The following VEZF1 variants were observed in gnomAD, a reference collection of about 807,000 sequenced individuals.
The protein encoded by VEZF1 is vascular endothelial zinc finger 1, also known as putative transcription factor DB1.
In VEZF1, 5 loss-of-function variants were observed where a neutral mutation model predicts 44.1. The ratio of observed to expected loss-of-function variants is 0.11; its 90% CI spans 0.06 to 0.24. The LOEUF (loss-of-function observed/expected upper bound fraction) is 0.24, where lower values mean the gene tolerates loss of function less well. VEZF1 is among the 10% of genes least tolerant of loss of function. The pLI is 1.00. For missense variants in VEZF1, 358 were observed against 641.8 expected (o/e 0.56, Z 4.78); for synonymous variants, 236 against 233.1 (o/e 1.01, Z -0.11).
chr17:57,982,505 A>C (rs1318325197), intron 2 of VEZF1, among the ~76,000 whole-genome samples, 194 bp downstream of exon 2: 1 of 152,146 alleles, frequency 6.6e-6, no homozygotes, highest in East Asian at 1.9e-4. Flanking sequence ...GTTAATCACT[A>C]TGTCACCACT....
rs766882992 is a variant in VEZF1 at position 57,974,583 on chromosome 17, T to C, written c.1456A>G (p.Met486Val). The change falls in exon 6 of 6, where the codon ATG (methionine) becomes GTG (valine). Residue 486 changes from methionine to valine, a missense_variant. Around this residue, in one of 4 missense-constraint regions of VEZF1, gnomAD observed 171 missense variants for 272.4 expected, o/e 0.63. Transcript: ENST00000581208. ...AATGTCATAGGTGTGGGTAGATTCA[T>C]TGGAGATGTGATGGTGACAGGGTGT... ...IAHPVTITSPMNLPTPMTLAA... is the reference protein window; with the variant it reads ...IAHPVTITSPVNLPTPMTLAA... 8.7e-6 allele frequency: 14 copies of C among 1,613,994 alleles called. No individual in the cohort carries two copies. Among genetic ancestry groups the C allele is most frequent in the Admixed American group, 3.3e-5 (2 of 59,974 alleles).
chr17:57,982,587 C>T, intron 2 of VEZF1, 112 bp downstream of exon 2: 1 of 1,038,776 alleles, frequency 9.6e-7, no homozygotes. Context: ...CCTCTAATAA[C>T]ACAGGTCTGC....
chr17:57,982,028 G>A, intron 2 of VEZF1, 92 bp from the exon 3 acceptor site: 1 of 1,397,026 alleles, frequency 7.2e-7, no homozygotes, highest in South Asian at 1.2e-5. Flanking sequence ...GATTGGGAAG[G>A]GGTGCATTTT....
rs77152726 is a variant in VEZF1, at chr17:57,981,226, G to A, written c.793-440C>T. ...GACACTAGCTTCCTTCCTCCAATTA[G>A]ATCTTTCTTAGCATTCAAATCATTT... On this transcript the variant is annotated intron_variant, in intron 3 of 5. Coordinates refer to ENST00000581208, the MANE Select transcript of VEZF1 (RefSeq NM_007146.3). 8.9e-3 allele frequency among the ~76,000 whole-genome samples: 1,359 copies of A among 152,248 alleles called. 57 individuals carry two copies. In the East Asian group the frequency reaches 0.12, roughly 13 times the overall value.
Position 57,983,349 on chromosome 17 carries a change from G to A in VEZF1, c.78C>T (p.Ser26=). The A allele has an allele frequency of 6.2e-7, 1 of 1,613,720 alleles. No homozygotes were observed. ...SHHQQQAAQN[S]LLPLLSSAVE... ...CGGCAGAGCTCAGGAGGGGCAGCAA[G>A]CTGTTCTGTGCTGCCTGCTGTTGGT... is the stretch of plus-strand genomic sequence containing the variant. Residue 26 remains serine, a synonymous_variant, in exon 2 of 6, where the codon AGC becomes AGT. Transcript: ENST00000581208.
rs2075139435 is a variant in VEZF1 at position 57,971,888 on chromosome 17, AC to A, written c.*2584del. On this transcript the variant is annotated 3_prime_UTR_variant, in exon 6 of 6. Transcript: ENST00000581208. ...GAGCAGTGGCTGTCGTGCCTTCAAC[AC>A]CTGGTTGAATCAGTTCATCAACATC... The A allele has an allele frequency of 6.6e-6, 1 of 152,600 alleles. No individual in the cohort carries two copies. The highest frequency in any genetic ancestry group is 1.5e-5 in the Non-Finnish European group (1 of 68,030). 9.5% of individuals were successfully genotyped at this position (152,600 alleles called of 1,614,324 possible).
rs2075163011 is a variant in VEZF1, at chr17:57,973,901, T to A, written c.*572A>T. ...TATGCTTTGCATATCAGAGCTGGTA[T>A]CACCTTTCCCATAGGGAATGCTGCC... On this transcript the variant is annotated 3_prime_UTR_variant, in exon 6 of 6. Coordinates refer to ENST00000581208, the MANE Select transcript of VEZF1 (RefSeq NM_007146.3). 6.3e-6 allele frequency: 1 copy of A among 158,400 alleles called. No individual in the cohort carries two copies. The highest frequency in any genetic ancestry group is 2.4e-5 in the African/African-American group (1 of 41,472). The allele number at this position is 158,400 out of a possible 1,614,324, so 9.8% of individuals were successfully genotyped here.
rs1206400072 is a variant in VEZF1, at chr17:57,974,914, A to G, written c.1139-14T>C. On this transcript the variant is annotated splice_polypyrimidine_tract_variant and intron_variant, in intron 5 of 5. Coordinates refer to ENST00000581208, the MANE Select transcript of VEZF1 (RefSeq NM_007146.3). ...GGTTAGCAGCTTCTAAAATAAGAAGAAAAAGGGTCTTTAGATTCTCAAAAC... is the reference window on the plus strand; with the variant it reads ...GGTTAGCAGCTTCTAAAATAAGAAGGAAAAGGGTCTTTAGATTCTCAAAAC... 1 of 1,598,892 alleles carries G rather than the reference A, an allele frequency of 6.3e-7. No individual in the cohort carries two copies. The highest frequency in any genetic ancestry group is 8.6e-7 in the Non-Finnish European group (1 of 1,168,894).
chr17:57,979,247 T>C lies in VEZF1; in HGVS notation c.1043A>G (p.Gln348Arg). The C allele has an allele frequency of 1.3e-6, 2 of 1,575,532 alleles. No individual in the cohort carries two copies. Among genetic ancestry groups the C allele is most frequent in the Non-Finnish European group, 1.7e-6 (2 of 1,156,080 alleles). Residue 348 changes from glutamine to arginine, a missense_variant, in exon 5 of 6, where the codon CAG becomes CGG. Physicochemically the swap from Gln to Arg is conservative, Grantham distance 43. This residue lies in a region of VEZF1 where 171 missense variants were observed against 272.4 expected (regional missense o/e 0.63). Transcript: ENST00000581208. ...CACATGTTGTTGTTGTTGTTGTTGC[T>C]GCTGCTGCTGCTGCTGCTGCTGCTG... is the stretch of plus-strand genomic sequence containing the variant. ...QQQQQQQQQQ[Q>R]QQQQQQHVTS...
chr17:57,978,366 GTGGAGGAGGAAGAAGGAA>G (rs2075212665), intron 5 of VEZF1, among the ~76,000 whole-genome samples: 1 of 152,196 alleles, frequency 6.6e-6, no homozygotes, highest in South Asian at 2.1e-4. Flanking sequence ...CATTGTAGAG[GTGGAGGAGGAAGAAGGAA>G]TTTACAAATC....
intron 5 of VEZF1, among the ~76,000 whole-genome samples, chr17:57,975,939 C>A (rs1358492233): frequency 6.6e-6 from 1 of 152,174 alleles, no homozygotes; most frequent in Admixed American, 6.5e-5. Flanking sequence ...GCTGGGACTA[C>A]AGGTGCATGC....
At chr17:57,983,871 C>G (rs1404548994) in intron 1 of VEZF1, among the ~76,000 whole-genome samples, 6 of 152,188 alleles carry the variant, frequency 3.9e-5, no homozygotes, top group African/African-American at 1.2e-4. Context: ...GTCTTTCTAT[C>G]AGAAAACTCA....
At chr17:57,986,613 TAAG>T (rs1286733662) in intron 1 of VEZF1, among the ~76,000 whole-genome samples, 1 of 152,232 alleles carries the variant, frequency 6.6e-6, no homozygotes, top group Non-Finnish European at 1.5e-5. Flanking sequence ...TTTTAGATTT[TAAG>T]AAGCCCAAAT....
intron 5 of VEZF1, among the ~76,000 whole-genome samples, chr17:57,978,628 C>G (rs904855187): frequency 3.9e-5 from 6 of 151,994 alleles, no homozygotes; most frequent in Admixed American, 3.9e-4. Context: ...CAGTGATAGA[C>G]TGAAGGAGAT....
chr17:57,979,844 C>A (rs531815439), intron 4 of VEZF1, among the ~76,000 whole-genome samples: 43 of 151,858 alleles, frequency 2.8e-4, no homozygotes, highest in African/African-American at 9.9e-4. Context: ...GCAGTGTGCA[C>A]CTGTAATCCC....
Position 57,988,133 on chromosome 17 carries a change from T to A in VEZF1, c.-22A>T. On this transcript the variant is annotated 5_prime_UTR_variant, in exon 1 of 6. Transcript: ENST00000581208. The stretch of plus-strand genomic sequence containing the variant: ...CCATGGCTGCGGCGGCCGACCCCCC[T>A]CCTCCCCACTCCCCCCGCTCGGGGA... 4.1e-6 allele frequency: 3 copies of A among 724,546 alleles called. No individual in the cohort carries two copies. Among genetic ancestry groups the A allele is most frequent in the Non-Finnish European group, 5.3e-6 (3 of 567,218 alleles). The allele number at this position is 724,546 out of a possible 1,614,324, so 44.9% of individuals were successfully genotyped here. A position where few individuals can be genotyped will look rare whatever the true frequency, so the allele number is the denominator to read the frequency against.
intron 5 of VEZF1, among the ~76,000 whole-genome samples, 168 bp from the exon 6 acceptor site, chr17:57,975,068 G>A (rs948490959): frequency 6.6e-6 from 1 of 152,198 alleles, no homozygotes; most frequent in African/African-American, 2.4e-5. Context: ...GCACAAGCCT[G>A]GGGGCCAGGG....
intron 5 of VEZF1, among the ~76,000 whole-genome samples, chr17:57,978,059 CG>C (rs1366340662): frequency 6.6e-6 from 1 of 151,536 alleles, no homozygotes; most frequent in Non-Finnish European, 1.5e-5. Flanking sequence ...AAAAATTAGT[CG>C]GGTGTGGTGG....
intron 2 of VEZF1, among the ~76,000 whole-genome samples, chr17:57,982,393 T>G (rs933797308): frequency 2.0e-5 from 3 of 152,098 alleles, no homozygotes; most frequent in Non-Finnish European, 4.4e-5. Flanking sequence ...TCATGTCTAG[T>G]CCCCCAACTG....
Sources: allele counts gnomAD v4.1 joint callset (sites outside exome capture counted in the v4.1 genomes callset), GRCh38; gene constraint gnomAD v4.1.1; regional missense constraint gnomAD v4.1.1; transcripts MANE v1.5; gene names NCBI Gene and HGNC (gene_info 2026-07-23, HGNC 2026-07-21).